The following PRPF6 variants were observed in gnomAD, a reference collection of about 807,000 sequenced individuals.
The protein encoded by PRPF6 is pre-mRNA-processing factor 6.
A neutral mutation model predicts 118.3 loss-of-function variants in PRPF6; 42 were observed. That is an observed-to-expected ratio of 0.35 (90% CI 0.28 to 0.46). The LOEUF is 0.46. Among genes scored for constraint, PRPF6 ranks in the 20% least tolerant of loss-of-function variants. The pLI, the probability that PRPF6 is intolerant of heterozygous loss-of-function variation, is 1.00. For synonymous variants in PRPF6, 481 were observed against 485.1 expected (o/e 0.99, Z 0.11); for missense variants, 662 against 1,255.7 (o/e 0.53, Z 7.15).
intron 11 of PRPF6, among the ~76,000 whole-genome samples, chr20:64,016,277 C>G (rs2059237778): frequency 6.6e-6 from 1 of 152,040 alleles, no homozygotes; most frequent in South Asian, 2.1e-4. Context: ...CACCCACCAC[C>G]ACGCCTGGCT....
chr20:64,002,542 G>A, intron 9 of PRPF6, among the ~76,000 whole-genome samples: 1 of 150,358 alleles, frequency 6.7e-6, no homozygotes. Flanking sequence ...CCCCATGTTG[G>A]CCGGGCTGGT....
intron 6 of PRPF6, among the ~76,000 whole-genome samples, chr20:63,998,242 G>A (rs2059149967): frequency 6.6e-6 from 1 of 151,690 alleles, no homozygotes; most frequent in Non-Finnish European, 1.5e-5. Context: ...CTACAGGCAT[G>A]TGCCACCACG....
At chr20:64,032,495 T>G (rs59617901) in intron 20 of PRPF6, among the ~76,000 whole-genome samples, 2,792 of 152,294 alleles carry the variant, frequency 0.018, 100 homozygotes, top group African/African-American at 0.064. Flanking sequence ...GCAGTCAGGC[T>G]GTCCTGGTCC....
At chr20:63,985,203 A>G (rs2059088055) in intron 3 of PRPF6, among the ~76,000 whole-genome samples, 178 bp downstream of exon 3, 1 of 152,164 alleles carries the variant, frequency 6.6e-6, no homozygotes, top group African/African-American at 2.4e-5. Flanking sequence ...ATCTCTACAA[A>G]TAATTTAAAA....
chr20:64,022,481 T>C (rs897248200), intron 12 of PRPF6, among the ~76,000 whole-genome samples: 1 of 152,206 alleles, frequency 6.6e-6, no homozygotes, highest in African/African-American at 2.4e-5. Flanking sequence ...TTAATTTTTG[T>C]ATTTTTAGTA....
intron 8 of PRPF6, among the ~76,000 whole-genome samples, chr20:64,000,444 G>A (rs1279094015): frequency 3.4e-5 from 4 of 119,364 alleles, no homozygotes; most frequent in Non-Finnish European, 6.7e-5. Context: ...GCGACAGAGC[G>A]AGATTCCGTC....
intron 3 of PRPF6, among the ~76,000 whole-genome samples, chr20:63,990,641 T>G (rs1482648507): frequency 7.0e-6 from 1 of 143,108 alleles, no homozygotes; most frequent in African/African-American, 2.7e-5. Flanking sequence ...AGCTAATTTT[T>G]CTTTTTTCTT....
At chr20:63,985,853 C>T (rs2059090768) in intron 3 of PRPF6, among the ~76,000 whole-genome samples, 1 of 152,192 alleles carries the variant, frequency 6.6e-6, no homozygotes, top group Admixed American at 6.5e-5. Flanking sequence ...ACCAATTCTA[C>T]TCAGACTATT....
intron 9 of PRPF6, 137 bp downstream of exon 9, chr20:64,001,376 G>T: frequency 9.3e-7 from 1 of 1,072,774 alleles, no homozygotes; most frequent in African/African-American, 1.6e-5. Flanking sequence ...CTCAGGCTGG[G>T]TTGCCTCTGC....
chr20:63,999,139 A>G lies in PRPF6; in HGVS notation c.866A>G (p.Asn289Ser), dbSNP rs2059154385. The change falls in exon 7 of 21, where the codon AAT (asparagine) becomes AGT (serine). Residue 289 changes from asparagine (N) to serine (S), a missense_variant and splice_region_variant. Physicochemically the swap from Asn to Ser is conservative, Grantham distance 46. Coordinates refer to ENST00000266079, the MANE Select transcript of PRPF6 (RefSeq NM_012469.4). Reference protein sequence around the residue: ...SMIPTHGGDINDIKKARLLLK... With the variant: ...SMIPTHGGDISDIKKARLLLK... ...ATCCCGACACACGGAGGAGACATCAAGTGAGTGCTTTGCAGAATCGCTGGG... is the reference window on the plus strand; with the variant it reads ...ATCCCGACACACGGAGGAGACATCAGGTGAGTGCTTTGCAGAATCGCTGGG... 5 of 1,613,548 alleles carry G rather than the reference A, an allele frequency of 3.1e-6. No individual in the cohort carries two copies. Among genetic ancestry groups the G allele is most frequent in the Non-Finnish European group, 4.2e-6 (5 of 1,179,702 alleles).
intron 9 of PRPF6, among the ~76,000 whole-genome samples, chr20:64,004,438 T>C (rs2059181018): frequency 6.6e-6 from 1 of 152,224 alleles, no homozygotes; most frequent in African/African-American, 2.4e-5. Context: ...AGCAAACACT[T>C]ACACGTTGCT....
At chr20:64,025,731 A>G (rs2059286664) in intron 14 of PRPF6, among the ~76,000 whole-genome samples, 1 of 152,254 alleles carries the variant, frequency 6.6e-6, no homozygotes, top group Non-Finnish European at 1.5e-5. Context: ...ACCAGAGTGA[A>G]CATGGGCCTG....
In PRPF6 at chr20:64,032,986, CCTT is replaced by C. The variant is rs747812103; in HGVS notation, c.2822_2824del (p.Phe941del). 11 of 1,613,158 alleles carry C rather than the reference CCTT, an allele frequency of 6.8e-6. No homozygotes were observed. Among genetic ancestry groups the C allele is most frequent in the East Asian group, 2.2e-5 (1 of 44,898 alleles). On this transcript the variant is annotated inframe_deletion, in exon 21 of 21. Coordinates refer to ENST00000266079, the MANE Select transcript of PRPF6 (RefSeq NM_012469.4). ...CTGGTGGCCGGCCGCATCAAGAACA[CCTT>C]CTGATTGAGCGGTTGCCATGGCCGG...
chr20:64,026,941 G>C lies in PRPF6; in HGVS notation c.2029-41G>C. 1 of 1,611,530 alleles carries C rather than the reference G, an allele frequency of 6.2e-7. No homozygotes were observed. Among genetic ancestry groups the C allele is most frequent in the Non-Finnish European group, 8.5e-7 (1 of 1,178,266 alleles). On this transcript the variant is annotated intron_variant, in intron 15 of 20. Transcript: ENST00000266079. The surrounding 1 kb of genome is among the most constrained non-coding windows in gnomAD (Gnocchi z 4.4). ...GAGTGTACCATGAAGCACGTACCCT[G>C]GAGCTGATGCCCTGCGTGACAGTGC...
At chr20:63,996,342 A>AAAAAAC (rs374480354) in intron 6 of PRPF6, among the ~76,000 whole-genome samples, 6 of 152,148 alleles carry the variant, frequency 3.9e-5, no homozygotes, top group East Asian at 3.9e-4. Context: ...GTCTCAAAAT[A>AAAAAAC]AAAAACAAAA....
At chr20:63,998,168 C>T (rs552029505) in intron 6 of PRPF6, among the ~76,000 whole-genome samples, 14 of 152,068 alleles carry the variant, frequency 9.2e-5, no homozygotes, top group Admixed American at 3.3e-4. Flanking sequence ...GATCTCGGCT[C>T]ACTGCAGCCT....
At chr20:64,016,432 G>C (rs1394525883) in intron 11 of PRPF6, among the ~76,000 whole-genome samples, 1 of 152,032 alleles carries the variant, frequency 6.6e-6, no homozygotes, top group Admixed American at 6.5e-5. Flanking sequence ...CTGAGACCTT[G>C]TCTCTTAAAA....
intron 9 of PRPF6, among the ~76,000 whole-genome samples, chr20:64,009,590 G>T (rs953547879): frequency 1.3e-5 from 2 of 152,154 alleles, no homozygotes; most frequent in African/African-American, 4.8e-5. Context: ...AGGCGTGGTG[G>T]TGCGCACCTG....
At position 64,027,843 on chromosome 20, in the gene PRPF6, T is replaced by C. The variant is rs2059297797; in HGVS notation, c.2339+107T>C. The C allele has an allele frequency of 2.6e-6, 4 of 1,519,068 alleles. No individual in the cohort carries two copies. The highest frequency in any genetic ancestry group is 4.5e-5 in the East Asian group (2 of 44,366). The allele number at this position is 1,519,068 out of a possible 1,614,324, so 94.1% of individuals were successfully genotyped here. A position where few individuals can be genotyped will look rare whatever the true frequency, so the allele number is the denominator to read the frequency against. On this transcript the variant is annotated intron_variant, in intron 17 of 20. Transcript: ENST00000266079. This position sits in a 1 kb window ranked among gnomAD's most constrained non-coding sequence, Gnocchi z 6.5. ...AGTCACTCGTGCAGTGCTTCCAGGC[T>C]CAGGGGCTTGGGGGGCGGTAGGTGC...
Sources: allele counts gnomAD v4.1 joint callset (sites outside exome capture counted in the v4.1 genomes callset), GRCh38; gene constraint gnomAD v4.1.1; non-coding constraint Gnocchi (gnomAD v3.1); transcripts MANE v1.5; gene names NCBI Gene and HGNC (gene_info 2026-07-23, HGNC 2026-07-21).